The following DNAI7 variants were observed in gnomAD, a reference collection of about 807,000 sequenced individuals.
DNAI7 encodes dynein axonemal intermediate chain 7.
DNAI7 carries 78 observed loss-of-function variants against 86.6 expected under a neutral mutation model. The ratio of observed to expected loss-of-function variants is 0.90; its 90% CI spans 0.75 to 1.09. The LOEUF (loss-of-function observed/expected upper bound fraction) is 1.09. Among genes scored for constraint, DNAI7 ranks in the 50% least tolerant of loss-of-function variants. The pLI is 0.00. For missense variants in DNAI7, 753 were observed against 810.2 expected, an observed-to-expected ratio of 0.93 and a Z score of 0.86; for synonymous variants, 274 against 273.0, an observed-to-expected ratio of 1.00 and a Z score of -0.04.
chr12:25,157,339 G>A (rs1946307046), intron 4 of DNAI7, among the ~76,000 whole-genome samples: 2 of 147,302 alleles, frequency 1.4e-5, no homozygotes, highest in South Asian at 4.3e-4. Context: ...ACAATTATCA[G>A]AAAGGCTATT....
intron 8 of DNAI7, among the ~76,000 whole-genome samples, chr12:25,146,412 C>T (rs1239416753): frequency 6.6e-6 from 1 of 151,822 alleles, no homozygotes; most frequent in African/African-American, 2.4e-5. Context: ...ACCTGACCAA[C>T]ATGGTGAAAC....
chr12:25,176,947 G>C (rs968985822), intron 2 of DNAI7, among the ~76,000 whole-genome samples: 1 of 137,960 alleles, frequency 7.2e-6, no homozygotes, highest in Admixed American at 7.7e-5. Context: ...CTGTCACCCA[G>C]GTTGGAGTGC....
chr12:25,195,130 T>C lies in DNAI7; in HGVS notation c.-52A>G, dbSNP rs774701510. The C allele has an allele frequency of 2.5e-6, 4 of 1,590,042 alleles. No individual in the cohort carries two copies. Among genetic ancestry groups the C allele is most frequent in the Non-Finnish European group, 2.6e-6 (3 of 1,158,588 alleles). ...CCGCAGAGTCGGAGCAGAAATTGTGTGGACAAACGCTCCCGGGTTGCCCGG... is the reference window on the plus strand; with the variant it reads ...CCGCAGAGTCGGAGCAGAAATTGTGCGGACAAACGCTCCCGGGTTGCCCGG... On this transcript the variant is annotated 5_prime_UTR_variant, in exon 1 of 16. Transcript: ENST00000395987.
chr12:25,125,992 C>A (rs1307064597), intron 9 of DNAI7, among the ~76,000 whole-genome samples: 1 of 152,126 alleles, frequency 6.6e-6, no homozygotes, highest in Non-Finnish European at 1.5e-5. Context: ...GTACCAGTAC[C>A]ACGCTGTTTT....
chr12:25,153,669 G>C (rs10842490), intron 6 of DNAI7, among the ~76,000 whole-genome samples: 76,424 of 152,084 alleles, frequency 0.5, 22,398 homozygotes, highest in East Asian at 0.89. Flanking sequence ...ATAGCAGTTA[G>C]CTAGCTAAGC....
At chr12:25,191,560 C>T (rs191499912) in intron 1 of DNAI7, among the ~76,000 whole-genome samples, 105 of 151,240 alleles carry the variant, frequency 6.9e-4, no homozygotes, top group African/African-American at 2.4e-3. Context: ...GAAAATTGGC[C>T]GGGCATGGTG....
At chr12:25,156,928 T>A (rs576438538) in intron 4 of DNAI7, among the ~76,000 whole-genome samples, 142 of 152,228 alleles carry the variant, frequency 9.3e-4, no homozygotes, top group Non-Finnish European at 1.6e-3. Flanking sequence ...GAGGGTAAGA[T>A]AGATCAATGT....
At chr12:25,142,596 C>T (rs1214312391) in intron 9 of DNAI7, among the ~76,000 whole-genome samples, 1 of 151,980 alleles carries the variant, frequency 6.6e-6, no homozygotes, top group Non-Finnish European at 1.5e-5. Flanking sequence ...AATGCTTTAG[C>T]CATGTAAATG....
At chr12:25,110,423 T>C (rs1254385770) in intron 14 of DNAI7, among the ~76,000 whole-genome samples, 183 bp from the exon 15 acceptor site, 1 of 152,186 alleles carries the variant, frequency 6.6e-6, no homozygotes, top group Non-Finnish European at 1.5e-5. Flanking sequence ...GAGTCCATAG[T>C]TAACAAACGA....
chr12:25,185,671 G>T, intron 2 of DNAI7: 1 of 465,870 alleles, frequency 2.1e-6, no homozygotes, highest in Non-Finnish European at 2.8e-6. Flanking sequence ...TTTAAAAGAT[G>T]CAATTTTAAT....
chr12:25,125,475 C>A (rs572754700), intron 9 of DNAI7, among the ~76,000 whole-genome samples: 4 of 152,036 alleles, frequency 2.6e-5, no homozygotes, highest in African/African-American at 9.6e-5. Context: ...TTGTTTCTCT[C>A]CTGTAAATTT....
chr12:25,158,774 G>C (rs1303659526), intron 3 of DNAI7: 1 of 1,133,214 alleles, frequency 8.8e-7, no homozygotes, highest in Non-Finnish European at 1.2e-6. Context: ...TCAAAAAGTG[G>C]GCAAAGGATA....
intron 2 of DNAI7, among the ~76,000 whole-genome samples, chr12:25,163,344 T>C (rs1947049784): frequency 6.6e-6 from 1 of 152,156 alleles, no homozygotes; most frequent in Non-Finnish European, 1.5e-5. Context: ...GTTCCTGCCT[T>C]AACTGATGAC....
At position 25,121,778 on chromosome 12, in the gene DNAI7, G is replaced by T. The variant is rs1592238808; in HGVS notation, c.1214C>A (p.Pro405Gln). ...TTCCACAATCATCCATCCCTTCACTGGTTTACACTGTGGAGGAAGCTCCAA... is the reference window on the plus strand; with the variant it reads ...TTCCACAATCATCCATCCCTTCACTTGTTTACACTGTGGAGGAAGCTCCAA... Reference protein sequence around the residue: ...DILELPPQCKPVKGWMIVEIL... With the variant: ...DILELPPQCKQVKGWMIVEIL... The change falls in exon 11 of 16, where the codon CCA becomes CAA. Residue 405 changes from proline (P) to glutamine (Q), a missense_variant. Physicochemically the swap from Pro to Gln is moderately conservative, Grantham distance 76. Transcript: ENST00000395987. 5.6e-6 allele frequency: 9 copies of T among 1,604,934 alleles called. No homozygotes were observed. The highest frequency in any genetic ancestry group is 4.0e-5 in the African/African-American group (3 of 74,332).
chr12:25,145,290 A>G (rs1392685797), intron 8 of DNAI7, among the ~76,000 whole-genome samples: 1 of 152,138 alleles, frequency 6.6e-6, no homozygotes, highest in East Asian at 1.9e-4. Context: ...AGCCAGTTGC[A>G]CTTTGATATC....
At chr12:25,159,145 G>A (rs1280562759) in intron 3 of DNAI7, among the ~76,000 whole-genome samples, 1 of 152,186 alleles carries the variant, frequency 6.6e-6, no homozygotes, top group Non-Finnish European at 1.5e-5. Context: ...CCCAGCCATT[G>A]TCTCTTCTTT....
Position 25,111,992 on chromosome 12 carries a change from G to A in DNAI7, c.1612-53C>T. On this transcript the variant is annotated intron_variant, in intron 13 of 15. Transcript: ENST00000395987. ...TTATGTAAGTTAAATCATTACTTCAGTATCACTCCAGGTGCAGCCTTTAGA... is the reference window on the plus strand; with the variant it reads ...TTATGTAAGTTAAATCATTACTTCAATATCACTCCAGGTGCAGCCTTTAGA... 10 of 1,214,524 alleles carry A rather than the reference G, an allele frequency of 8.2e-6. No individual in the cohort carries two copies. The South Asian group carries it at 1.2e-4, about 14-fold the overall frequency. The allele number at this position is 1,214,524 out of a possible 1,614,324, so 75.2% of individuals were successfully genotyped here. A position where few individuals can be genotyped will look rare whatever the true frequency, so the allele number is the denominator to read the frequency against.
intron 6 of DNAI7, among the ~76,000 whole-genome samples, chr12:25,151,635 G>A (rs761524498): frequency 5.3e-5 from 8 of 152,086 alleles, no homozygotes; most frequent in Non-Finnish European, 7.4e-5. Context: ...CTAAGCTGAC[G>A]TCATGCCATG....
intron 7 of DNAI7, among the ~76,000 whole-genome samples, chr12:25,147,421 T>G (rs1179874652): frequency 1.3e-5 from 2 of 151,606 alleles, no homozygotes; most frequent in Non-Finnish European, 2.9e-5. Flanking sequence ...GTAGGCCAAG[T>G]CGTAAGGATC....
Sources: allele counts gnomAD v4.1 joint callset (sites outside exome capture counted in the v4.1 genomes callset), GRCh38; gene constraint gnomAD v4.1.1; transcripts MANE v1.5; gene names NCBI Gene and HGNC (gene_info 2026-07-23, HGNC 2026-07-21).